MAGI2: variants seen among roughly 807,000 people sequenced by gnomAD.
MAGI2 encodes the protein membrane associated guanylate kinase, WW and PDZ domain containing 2.
MAGI2 carries 35 observed loss-of-function variants against 133.3 expected under a neutral mutation model. The observed-to-expected ratio is 0.26, with a 90% CI of 0.20 to 0.35. MAGI2 has a LOEUF of 0.35. Ranked by LOEUF, MAGI2 falls within the 10% of genes least tolerant of loss-of-function variation. The probability of loss-of-function intolerance (pLI) is 1.00; values close to 1 mark genes in which losing one functional copy is unlikely to be tolerated. For synonymous variants in MAGI2, 729 were observed against 710.6 expected (o/e 1.03, Z -0.41); for missense variants, 1,636 against 1,863.4 (o/e 0.88, Z 2.25).
chr7:79,194,992 C>G (rs1164325451), intron 1 of MAGI2, among the ~76,000 whole-genome samples: 1 of 151,936 alleles, frequency 6.6e-6, no homozygotes, highest in Non-Finnish European at 1.5e-5. Flanking sequence ...AGGAGAAGCT[C>G]TTGGGCAATA....
chr7:79,151,429 G>C (rs1823229531), intron 1 of MAGI2, among the ~76,000 whole-genome samples: 2 of 152,194 alleles, frequency 1.3e-5, no homozygotes, highest in South Asian at 2.1e-4. Context: ...ACTAAATTTT[G>C]TTACGAAAGC....
intron 21 of MAGI2, among the ~76,000 whole-genome samples, chr7:78,035,898 C>A (rs981732517): frequency 3.9e-5 from 6 of 152,058 alleles, no homozygotes; most frequent in Non-Finnish European, 7.4e-5. Context: ...GTTAGTAGTG[C>A]CTTCCAAAAA....
At chr7:78,313,804 A>G (rs1157965003) in intron 9 of MAGI2, among the ~76,000 whole-genome samples, 1 of 152,158 alleles carries the variant, frequency 6.6e-6, no homozygotes, top group African/African-American at 2.4e-5. Flanking sequence ...TATTTAATAG[A>G]TTTAAGTTCC....
At chr7:78,559,136 C>CAAAAAAAAAAAAAAAAAAA (rs71085541) in intron 3 of MAGI2, among the ~76,000 whole-genome samples, 4 of 54,726 alleles carry the variant, frequency 7.3e-5, no homozygotes, top group Non-Finnish European at 9.1e-5. Context: ...TCTGAATTTC[C>CAAAAAAAAAAAAAAAAAAA]AAAAAAAAAA....
intron 2 of MAGI2, among the ~76,000 whole-genome samples, chr7:78,725,032 T>C (rs917145672): frequency 1.3e-5 from 2 of 152,190 alleles, no homozygotes; most frequent in African/African-American, 4.8e-5. Context: ...TTTACTGGAA[T>C]GAAGGAGGAT....
intron 9 of MAGI2, among the ~76,000 whole-genome samples, chr7:78,336,207 T>C (rs1285871230): frequency 1.3e-5 from 2 of 152,214 alleles, no homozygotes; most frequent in Non-Finnish European, 2.9e-5. Context: ...ATTAAAAAAA[T>C]ACATATATAT....
intron 2 of MAGI2, among the ~76,000 whole-genome samples, chr7:78,933,686 T>G (rs1198781400): frequency 6.6e-6 from 1 of 152,038 alleles, no homozygotes; most frequent in African/African-American, 2.4e-5. Context: ...TTATTAACAC[T>G]GCAAAAAAAG....
intron 6 of MAGI2, among the ~76,000 whole-genome samples, chr7:78,415,700 C>A (rs1444358481): frequency 6.6e-6 from 1 of 152,034 alleles, no homozygotes; most frequent in African/African-American, 2.4e-5. Context: ...CACAGAAGAG[C>A]AAGTAGATTT....
At chr7:79,161,057 A>G (rs1824304711) in intron 1 of MAGI2, among the ~76,000 whole-genome samples, 1 of 151,986 alleles carries the variant, frequency 6.6e-6, no homozygotes. Context: ...AGAACATAAA[A>G]ACATACAGGT....
intron 1 of MAGI2, among the ~76,000 whole-genome samples, chr7:79,094,642 A>G (rs1330218304): frequency 6.6e-6 from 1 of 152,176 alleles, no homozygotes; most frequent in Non-Finnish European, 1.5e-5. Flanking sequence ...GGAAGTTAAT[A>G]TTACTCCTTG....
At position 79,352,155 on chromosome 7, in the gene MAGI2, A is replaced by G. The variant is rs144479205; in HGVS notation, c.301+100865T>C. On this transcript the variant is annotated intron_variant, in intron 1 of 21. Coordinates refer to ENST00000354212, the MANE Select transcript of MAGI2 (RefSeq NM_012301.4). ...GAGCAAAAAAAGAAAAACCACATTA[A>G]GCAACACTTCAGGATTATAGGACTA... is the stretch of plus-strand genomic sequence containing the variant. Among the ~76,000 whole-genome samples, 26 of 152,332 alleles carry G rather than the reference A, an allele frequency of 1.7e-4. No individual in the cohort carries two copies. The East Asian group carries it at 5.0e-3, about 29-fold the overall frequency.
chr7:78,324,315 A>T (rs1194995118), intron 9 of MAGI2, among the ~76,000 whole-genome samples: 1 of 152,052 alleles, frequency 6.6e-6, no homozygotes, highest in Non-Finnish European at 1.5e-5. Context: ...CATATGGTTC[A>T]TCCACCAACC....
chr7:79,276,527 C>A (rs1323549515), intron 1 of MAGI2, among the ~76,000 whole-genome samples: 3 of 152,168 alleles, frequency 2.0e-5, no homozygotes, highest in Non-Finnish European at 4.4e-5. Flanking sequence ...ATTGTGTGAA[C>A]AATTTGCTGC....
At chr7:78,975,107 G>A (rs1227526192) in intron 2 of MAGI2, among the ~76,000 whole-genome samples, 2 of 151,736 alleles carry the variant, frequency 1.3e-5, no homozygotes, top group African/African-American at 4.8e-5. Context: ...CCATCTGCCA[G>A]TGATTGAAAA....
chr7:78,942,507 C>T (rs770749193), intron 2 of MAGI2, among the ~76,000 whole-genome samples: 1 of 152,096 alleles, frequency 6.6e-6, no homozygotes, highest in South Asian at 2.1e-4. Flanking sequence ...ACTACAGCTG[C>T]TCCCTTCAAA....
chr7:78,878,212 G>A (rs571861222), intron 2 of MAGI2, among the ~76,000 whole-genome samples: 11 of 152,318 alleles, frequency 7.2e-5, no homozygotes, highest in African/African-American at 2.6e-4. Context: ...ATGAATGAAT[G>A]TGACTTGTGC....
chr7:78,466,360 G>C (rs755116778), intron 6 of MAGI2, among the ~76,000 whole-genome samples: 2 of 152,148 alleles, frequency 1.3e-5, no homozygotes, highest in African/African-American at 2.4e-5. Context: ...GCCTCACTTG[G>C]GCACAGGTGT....
intron 1 of MAGI2, among the ~76,000 whole-genome samples, chr7:79,418,869 GCACACA>G (rs879433243): frequency 2.2e-5 from 1 of 46,416 alleles, no homozygotes; most frequent in Non-Finnish European, 3.8e-5. Context: ...ACACACACAC[GCACACA>G]CACACACACA....
At chr7:78,489,291 G>A (rs1563074526) in intron 6 of MAGI2, among the ~76,000 whole-genome samples, 1 of 151,994 alleles carries the variant, frequency 6.6e-6, no homozygotes, top group East Asian at 1.9e-4. Flanking sequence ...CAGGCAACTG[G>A]TTATTTTATT....
Sources: gnomAD v4.1 joint callset for allele counts (sites outside exome capture counted in the v4.1 genomes callset) on GRCh38, gnomAD v4.1.1 for gene constraint, MANE v1.5 for transcripts, NCBI Gene and HGNC (gene_info 2026-07-23, HGNC 2026-07-21) for gene names.